The following PPP2R3C variants were observed in gnomAD, a reference collection of about 807,000 sequenced individuals.
The protein encoded by PPP2R3C is serine/threonine-protein phosphatase 2A regulatory subunit B'' subunit gamma.
A neutral mutation model predicts 63.7 loss-of-function variants in PPP2R3C; 47 were observed. That is an observed-to-expected ratio of 0.74 (90% CI 0.58 to 0.94). The LOEUF (loss-of-function observed/expected upper bound fraction) is 0.94, where lower values mean the gene tolerates loss of function less well. Among genes scored for constraint, PPP2R3C ranks in the 40% least tolerant of loss-of-function variants. PPP2R3C has a pLI of 0.00. For synonymous variants in PPP2R3C, 180 were observed against 177.4 expected (o/e 1.01, Z -0.12); for missense variants, 421 against 518.4 (o/e 0.81, Z 1.82).
chr14:35,087,563 C>T (rs1195375908), intron 12 of PPP2R3C: 1 of 180,764 alleles, frequency 5.5e-6, no homozygotes, highest in Non-Finnish European at 1.2e-5. Flanking sequence ...CCATGCCCAG[C>T]TAATTTTTGT....
intron 1 of PPP2R3C, among the ~76,000 whole-genome samples, chr14:35,118,870 T>C (rs1277593845): frequency 2.0e-5 from 3 of 152,060 alleles, no homozygotes; most frequent in Admixed American, 6.6e-5. Flanking sequence ...GCCAGGCTGG[T>C]CTGTCTCCTG....
At position 35,091,182 on chromosome 14, in the gene PPP2R3C, A is replaced by T; in HGVS notation, c.1001T>A (p.Val334Asp). 1 of 1,611,180 alleles carries T rather than the reference A, an allele frequency of 6.2e-7. No homozygotes were observed. ...TTCCTTTCTGTTTTCTAATGCAAGG[A>T]CAAAGTCCAAGTAGGTCTTATAGTC... The part of the protein sequence containing the change: ...EMDYKTYLDF[V>D]LALENRKEPA... The change falls in exon 11 of 13, where the codon GTC becomes GAC. Residue 334 changes from valine (V) to aspartate (D), a missense_variant. This residue lies in a region of PPP2R3C where 231 missense variants were observed against 264.8 expected (regional missense o/e 0.87). Transcript: ENST00000261475.
chr14:35,122,053 G>T, upstream of PPP2R3C: 1 of 1,400,990 alleles, frequency 7.1e-7, no homozygotes, highest in Non-Finnish European at 1.0e-6. Context: ...CCCCGTAAAG[G>T]TTAGGAAGGC....
At chr14:35,105,399 T>C (rs1285840080) in intron 6 of PPP2R3C, among the ~76,000 whole-genome samples, 1 of 152,024 alleles carries the variant, frequency 6.6e-6, no homozygotes, top group East Asian at 1.9e-4. Flanking sequence ...GTCAGGCTGG[T>C]CTTGAACTCC....
At position 35,096,596 on chromosome 14, in the gene PPP2R3C, G is replaced by T. The variant is rs1052552685; in HGVS notation, c.800C>A (p.Thr267Lys). The T allele has an allele frequency of 1.9e-6, 3 of 1,613,654 alleles. No homozygotes were observed. In the African/African-American group the frequency reaches 4.0e-5, roughly 22 times the overall value. ...GGCAGAAGGAGCAGAAAACCAATTT[G>T]TTTCTTGACTCTCCTTGGACAGTTC... Reference protein sequence around the residue: ...DEELSKESQETNWFSAPSALR... With the variant: ...DEELSKESQEKNWFSAPSALR... Residue 267 changes from threonine (T) to lysine (K), a missense_variant, in exon 9 of 13, where the codon ACA becomes AAA. By Grantham distance (78) the Thr-to-Lys change is moderately conservative (BLOSUM62 -1). Transcript: ENST00000261475.
chr14:35,114,127 G>A (rs10145433), intron 2 of PPP2R3C, among the ~76,000 whole-genome samples: 25,760 of 152,052 alleles, frequency 0.17, 2,435 homozygotes, highest in East Asian at 0.31. Flanking sequence ...CTCTGTTTAA[G>A]GAGAGTGTGA....
At chr14:35,097,514 C>T (rs2046037991) in intron 7 of PPP2R3C, among the ~76,000 whole-genome samples, 1 of 147,508 alleles carries the variant, frequency 6.8e-6, no homozygotes, top group African/African-American at 2.5e-5. Context: ...CAGAGTTTCG[C>T]TCTTGTTGCC....
chr14:35,114,746 A>G (rs975092799), intron 2 of PPP2R3C, among the ~76,000 whole-genome samples: 1 of 152,140 alleles, frequency 6.6e-6, no homozygotes, highest in Non-Finnish European at 1.5e-5. Flanking sequence ...TAATCCCAGC[A>G]CTTTGGGAGG....
At position 35,109,928 on chromosome 14, in the gene PPP2R3C, AG is replaced by A; in HGVS notation, c.294del (p.Leu99TyrfsTer13). The A allele has an allele frequency of 6.3e-7, 1 of 1,576,374 alleles. No individual in the cohort carries two copies. The highest frequency in any genetic ancestry group is 2.2e-5 in the East Asian group (1 of 44,602). ...TGGTGTTTGTCCAGCAAAAACCATA[AG>A]TTCTTAAGAGAATTGTGGAAGTGAA... ...RELLDNEELQ[N>X]LWFLLDKHQT... On this transcript the variant is annotated frameshift_variant and splice_region_variant, in exon 4 of 13. Transcript: ENST00000261475. LOFTEE classifies it high-confidence loss of function.
intron 2 of PPP2R3C, among the ~76,000 whole-genome samples, chr14:35,116,008 C>T (rs920333522): frequency 6.6e-6 from 1 of 152,046 alleles, no homozygotes; most frequent in Non-Finnish European, 1.5e-5. Context: ...AAAGTGTATA[C>T]CTGATAACAT....
intron 6 of PPP2R3C, among the ~76,000 whole-genome samples, chr14:35,105,023 C>T (rs1464540353): frequency 6.8e-6 from 1 of 146,982 alleles, no homozygotes; most frequent in Non-Finnish European, 1.5e-5. Flanking sequence ...CGTGAGCTAC[C>T]GTGTCTGGCT....
chr14:35,101,519 A>G (rs929214239), intron 6 of PPP2R3C: 20 of 152,366 alleles, frequency 1.3e-4, no homozygotes, highest in Admixed American at 1.2e-3. Context: ...AATACTCATT[A>G]AATTGTTTAA....
In PPP2R3C at chr14:35,089,394, A is replaced by G. The variant is rs529591190; in HGVS notation, c.1114-1384T>C. Among the ~76,000 whole-genome samples, 13 of 151,942 alleles carry G rather than the reference A, an allele frequency of 8.6e-5. No individual in the cohort carries two copies. The South Asian group carries it at 2.5e-3, about 29-fold the overall frequency. On this transcript the variant is annotated intron_variant, in intron 11 of 12. Coordinates refer to ENST00000261475, the MANE Select transcript of PPP2R3C (RefSeq NM_017917.4). ...GCTGGGATTAGAAGCATGAGCGACC[A>G]CGCCTGGCCTAAAAATTATTTTCAT...
upstream of PPP2R3C, chr14:35,122,037 G>A (rs1461775172): frequency 3.9e-6 from 6 of 1,521,124 alleles, no homozygotes; most frequent in Non-Finnish European, 5.5e-6. Flanking sequence ...CGTCAGCACC[G>A]CCAGGCCCCG....
chr14:35,088,806 G>A (rs780053697), intron 11 of PPP2R3C, among the ~76,000 whole-genome samples: 49 of 152,202 alleles, frequency 3.2e-4, no homozygotes, highest in Non-Finnish European at 4.6e-4. Context: ...AGGATTATAG[G>A]GCTCAGCATT....
At chr14:35,090,900 A>G (rs969712161) in intron 11 of PPP2R3C, among the ~76,000 whole-genome samples, 170 bp downstream of exon 11, 2 of 152,020 alleles carry the variant, frequency 1.3e-5, no homozygotes, top group African/African-American at 4.8e-5. Flanking sequence ...TATTTTTAGT[A>G]GAGACGGGGT....
At chr14:35,091,383 C>T (rs45573840) in intron 10 of PPP2R3C, among the ~76,000 whole-genome samples, 176 bp from the exon 11 acceptor site, 10,687 of 152,086 alleles carry the variant, frequency 0.07, 498 homozygotes, top group Non-Finnish European at 0.11. Flanking sequence ...GAATTTTTTT[C>T]GAGACAGAGT....
intron 2 of PPP2R3C, among the ~76,000 whole-genome samples, chr14:35,114,052 CTCAATAAATG>C (rs1276138745): frequency 6.6e-6 from 1 of 152,302 alleles, no homozygotes; most frequent in East Asian, 1.9e-4. Context: ...TGCTTAGACA[CTCAATAAATG>C]TCAATTCCCT....
At position 35,089,867 on chromosome 14, in the gene PPP2R3C, A is replaced by G. The variant is rs76007962; in HGVS notation, c.1113+1203T>C. On this transcript the variant is annotated intron_variant, in intron 11 of 12. Coordinates refer to ENST00000261475, the MANE Select transcript of PPP2R3C (RefSeq NM_017917.4). ...ATTTTTAGTAGAGATGGGTTTCACC[A>G]TGTTAGTGAGGATGGTTTTGATCTC... Among the ~76,000 whole-genome samples, 303 of 151,518 alleles carry G rather than the reference A, an allele frequency of 2.0e-3. 2 individuals are homozygous for G. Among genetic ancestry groups the G allele is most frequent in the African/African-American group, 4.4e-3 (182 of 41,312 alleles).
Sources: allele counts gnomAD v4.1 joint callset (sites outside exome capture counted in the v4.1 genomes callset), GRCh38; gene constraint gnomAD v4.1.1; regional missense constraint gnomAD v4.1.1; transcripts MANE v1.5; gene names NCBI Gene and HGNC (gene_info 2026-07-23, HGNC 2026-07-21).